NR3C2: variants seen among roughly 807,000 people sequenced by gnomAD.
NR3C2 encodes the protein mineralocorticoid receptor.
NR3C2 carries 15 observed loss-of-function variants against 86.4 expected under a neutral mutation model. The observed-to-expected ratio is 0.17, with a 90% CI of 0.12 to 0.27. The LOEUF is 0.27. Among genes scored for constraint, NR3C2 ranks in the 10% least tolerant of loss-of-function variants. The probability of loss-of-function intolerance (pLI) is 1.00; values close to 1 mark genes in which losing one functional copy is unlikely to be tolerated. For synonymous variants in NR3C2, 458 were observed against 450.5 expected, an observed-to-expected ratio of 1.02 and a Z score of -0.21; for missense variants, 960 against 1,195.6, an observed-to-expected ratio of 0.80 and a Z score of 2.91.
chr4:148,214,025 G>A (rs965678223), intron 3 of NR3C2, among the ~76,000 whole-genome samples: 29 of 152,228 alleles, frequency 1.9e-4, no homozygotes, highest in Non-Finnish European at 2.6e-4. Flanking sequence ...CCAGGTCACA[G>A]AGGTAATGGA....
At chr4:148,335,734 A>T (rs1373632837) in intron 2 of NR3C2, among the ~76,000 whole-genome samples, 1 of 151,700 alleles carries the variant, frequency 6.6e-6, no homozygotes, top group African/African-American at 2.4e-5. Flanking sequence ...GTTAGAGAAC[A>T]TTTTTGCTAT....
chr4:148,435,214 G>T lies in NR3C2; in HGVS notation c.1647C>A (p.Ser549=). ...CCACTAAAGTATTGACAGGAGGAAA[G>T]GAACTCAGGTGTTGGAAAGATTGGT... ...ARDQSFQHLS[S]FPPVNTLVES... is the part of the protein sequence containing the mutation. Residue 549 remains serine (S), a synonymous_variant, in exon 2 of 9, where the codon TCC becomes TCA. Transcript: ENST00000358102. The T allele has an allele frequency of 6.2e-7, 1 of 1,614,188 alleles. No homozygotes were observed. The highest frequency in any genetic ancestry group is 8.5e-7 in the Non-Finnish European group (1 of 1,180,026).
At chr4:148,119,065 G>A (rs1732395427) in intron 7 of NR3C2, among the ~76,000 whole-genome samples, 1 of 152,016 alleles carries the variant, frequency 6.6e-6, no homozygotes, top group Non-Finnish European at 1.5e-5. Context: ...TCACCCCACT[G>A]CTCAAAAGCC....
intron 3 of NR3C2, among the ~76,000 whole-genome samples, chr4:148,196,731 T>C (rs1736458007): frequency 6.6e-6 from 1 of 152,322 alleles, no homozygotes; most frequent in Non-Finnish European, 1.5e-5. Flanking sequence ...AGTAACAGAA[T>C]AGGGAAATCT....
At chr4:148,144,227 C>G (rs568338471) in intron 6 of NR3C2, among the ~76,000 whole-genome samples, 1 of 152,154 alleles carries the variant, frequency 6.6e-6, no homozygotes, top group South Asian at 2.1e-4. Context: ...CTTTTTGAGA[C>G]AGGGTCTTGC....
chr4:148,304,352 TAACCAGTTGGGC>T (rs1742499893), intron 2 of NR3C2, among the ~76,000 whole-genome samples: 23 of 130,034 alleles, frequency 1.8e-4, no homozygotes, highest in East Asian at 2.2e-4. Context: ...TTTTTTTTTT[TAACCAGTTGGGC>T]TTTTGGCTTC....
intron 8 of NR3C2, among the ~76,000 whole-genome samples, chr4:148,100,342 A>G (rs1027580663): frequency 6.6e-6 from 1 of 152,228 alleles, no homozygotes; most frequent in Non-Finnish European, 1.5e-5. Flanking sequence ...TAAGGGGCCA[A>G]TGTACAGAAT....
At chr4:148,430,357 GT>G (rs1440931405) in intron 2 of NR3C2, among the ~76,000 whole-genome samples, 3 of 152,010 alleles carry the variant, frequency 2.0e-5, no homozygotes, top group African/African-American at 7.2e-5. Context: ...TATTTGTGAT[GT>G]TTAAAAATGA....
chr4:148,156,990 T>C (rs1400678790), intron 4 of NR3C2, among the ~76,000 whole-genome samples: 2 of 151,558 alleles, frequency 1.3e-5, no homozygotes, highest in African/African-American at 2.4e-5. Flanking sequence ...AAAGGATGAG[T>C]TCATGTCCTT....
chr4:148,350,431 T>C (rs1187662363), intron 2 of NR3C2, among the ~76,000 whole-genome samples: 1 of 152,188 alleles, frequency 6.6e-6, no homozygotes, highest in Non-Finnish European at 1.5e-5. Context: ...CTTTAATTTT[T>C]CAAGCAACTG....
chr4:148,276,933 A>C (rs961535909), intron 2 of NR3C2, among the ~76,000 whole-genome samples: 3 of 152,234 alleles, frequency 2.0e-5, no homozygotes, highest in Non-Finnish European at 4.4e-5. Flanking sequence ...ACTCCAGTTA[A>C]AATGCCTGAT....
At chr4:148,312,146 C>A (rs1742933373) in intron 2 of NR3C2, among the ~76,000 whole-genome samples, 1 of 152,162 alleles carries the variant, frequency 6.6e-6, no homozygotes, top group African/African-American at 2.4e-5. Context: ...CAATTCTTAA[C>A]TTTTCAGGAA....
rs190702786 is a variant in NR3C2 at position 148,097,552 on chromosome 4, G to C, written c.2800-16053C>G. Among the ~76,000 whole-genome samples, 633 of 152,258 alleles carry C rather than the reference G, an allele frequency of 4.2e-3. 19 individuals are homozygous for C. Among genetic ancestry groups the C allele is most frequent in the Non-Finnish European group, 1.2e-3 (82 of 68,018 alleles). ...CTTCCTACTTGCTAAAAGTCACATA[G>C]CATTAGATACTGACCATACAGACAG... On this transcript the variant is annotated intron_variant, in intron 8 of 8. Transcript: ENST00000358102.
intron 4 of NR3C2, among the ~76,000 whole-genome samples, chr4:148,161,878 T>C (rs537368177): frequency 5.9e-5 from 9 of 152,160 alleles, no homozygotes; most frequent in Non-Finnish European, 1.0e-4. Context: ...ATGATAAGTT[T>C]TGGGTCACTG....
At chr4:148,319,045 A>T (rs1743396955) in intron 2 of NR3C2, among the ~76,000 whole-genome samples, 1 of 151,736 alleles carries the variant, frequency 6.6e-6, no homozygotes, top group Non-Finnish European at 1.5e-5. Flanking sequence ...TCTTGAATTG[A>T]TTTTTGTATA....
chr4:148,347,436 TC>T (rs111363874), intron 2 of NR3C2, among the ~76,000 whole-genome samples: 60 of 152,110 alleles, frequency 3.9e-4, no homozygotes, highest in African/African-American at 1.3e-3. Context: ...TTTCACCCCT[TC>T]TATTGGGTCA....
rs72653854 is a variant in NR3C2, at chr4:148,194,649, C to G, written c.2014+97G>C. ...ATCAGATTTTCAGAAACCTTTGCTC[C>G]CTGTTGGCTTCGTTTTCAATTTTGA... On this transcript the variant is annotated intron_variant, in intron 4 of 8. Coordinates refer to ENST00000358102, the MANE Select transcript of NR3C2 (RefSeq NM_000901.5). 1,797 of 789,602 alleles carry G rather than the reference C, an allele frequency of 2.3e-3. 18 individuals are homozygous for G. In the African/African-American group the frequency reaches 0.027, roughly 12 times the overall value. The allele number at this position is 789,602 out of a possible 1,614,324, so 48.9% of individuals were successfully genotyped here.
chr4:148,101,421 T>C (rs1011386644), intron 8 of NR3C2, among the ~76,000 whole-genome samples: 13 of 152,154 alleles, frequency 8.5e-5, no homozygotes, highest in African/African-American at 2.7e-4. Flanking sequence ...CTGAAGAAGA[T>C]AGAGGTTCTG....
rs201310587 is a variant in NR3C2 at position 148,154,605 on chromosome 4, G to A, written c.2311C>T (p.Arg771Cys). 2.1e-5 allele frequency: 34 copies of A among 1,614,072 alleles called. No individual in the cohort carries two copies. The highest frequency in any genetic ancestry group is 3.3e-5 in the South Asian group (3 of 91,084). The change falls in exon 5 of 9, where the codon CGC (arginine) becomes TGC (cysteine). Residue 771 changes from arginine (R) to cysteine (C), a missense_variant. Physicochemically the swap from Arg to Cys is radical, Grantham distance 180. Around this residue, in one of 4 missense-constraint regions of NR3C2, gnomAD observed 151 missense variants for 296.3 expected, o/e 0.51. Coordinates refer to ENST00000358102, the MANE Select transcript of NR3C2 (RefSeq NM_000901.5). ...TGGATCATCTGTTTGCCTGCTAAGCGGTTGAGCGTGGAGAGCAGATTTTCG... is the reference window on the plus strand; with the variant it reads ...TGGATCATCTGTTTGCCTGCTAAGCAGTTGAGCGTGGAGAGCAGATTTTCG... ...TAENLLSTLN[R>C]LAGKQMIQVV...
Sources: gnomAD v4.1 joint callset for allele counts (sites outside exome capture counted in the v4.1 genomes callset) on GRCh38, gnomAD v4.1.1 for gene constraint, gnomAD v4.1.1 regional missense constraint, MANE v1.5 for transcripts, NCBI Gene and HGNC (gene_info 2026-07-23, HGNC 2026-07-21) for gene names.